The following RILPL1 variants were observed in gnomAD, a reference collection of about 807,000 sequenced individuals.
RILPL1 encodes the protein RILP-like protein 1.
A neutral mutation model predicts 50.3 loss-of-function variants in RILPL1; 33 were observed. The ratio of observed to expected loss-of-function variants is 0.66; its 90% CI spans 0.50 to 0.88. The LOEUF (loss-of-function observed/expected upper bound fraction) is 0.88, where lower values mean the gene tolerates loss of function less well. Ranked by LOEUF, RILPL1 falls within the 40% of genes least tolerant of loss-of-function variation. RILPL1 has a pLI of 0.00. For missense variants in RILPL1, 418 were observed against 542.5 expected, an observed-to-expected ratio of 0.77 and a Z score of 2.28; for synonymous variants, 205 against 228.6, an observed-to-expected ratio of 0.90 and a Z score of 0.93.
intron 2 of RILPL1, chr12:123,514,428 TA>T (rs137944636): frequency 0.14 from 20,643 of 148,996 alleles, 1,740 homozygotes; most frequent in Non-Finnish European, 0.19. Context: ...GTCATGATTT[TA>T]AAAAAAAAAA....
At chr12:123,517,724 G>C (rs981503111) in intron 2 of RILPL1, among the ~76,000 whole-genome samples, 1 of 152,092 alleles carries the variant, frequency 6.6e-6, no homozygotes, top group Non-Finnish European at 1.5e-5. Flanking sequence ...GCTTCTGAGA[G>C]CACCGTTGAG....
chr12:123,478,843 T>C (rs1044747946), intron 6 of RILPL1, among the ~76,000 whole-genome samples: 3 of 152,328 alleles, frequency 2.0e-5, no homozygotes, highest in East Asian at 1.9e-4. Flanking sequence ...CACTGGTGCC[T>C]GGTGTTCACT....
chr12:123,530,230 A>C (rs1398797704), intron 1 of RILPL1, among the ~76,000 whole-genome samples: 1 of 152,058 alleles, frequency 6.6e-6, no homozygotes, highest in Non-Finnish European at 1.5e-5. Context: ...CAATGGTGTG[A>C]TTTCGACTCG....
At chr12:123,514,979 G>A (rs1884607340) in intron 2 of RILPL1, among the ~76,000 whole-genome samples, 1 of 151,452 alleles carries the variant, frequency 6.6e-6, no homozygotes, top group Non-Finnish European at 1.5e-5. Flanking sequence ...TGCCCAGGCT[G>A]GAGTGCAGTG....
chr12:123,471,697 C>T lies in RILPL1; in HGVS notation c.*841G>A, dbSNP rs147619973. On this transcript the variant is annotated 3_prime_UTR_variant, in exon 7 of 7. Transcript: ENST00000376874. ...CTGCATTGCCTAGGATCCCACGCCC[C>T]GCTTTCAGTCTGCTCTGGGACATCT... The T allele has an allele frequency of 2.0e-5, 3 of 152,438 alleles. No homozygotes were observed. Among genetic ancestry groups the T allele is most frequent in the Non-Finnish European group, 2.9e-5 (2 of 68,060 alleles). 9.4% of individuals were successfully genotyped at this position (152,438 alleles called of 1,614,324 possible).
At chr12:123,506,393 C>T (rs148325613) in intron 2 of RILPL1, among the ~76,000 whole-genome samples, 29 of 152,302 alleles carry the variant, frequency 1.9e-4, no homozygotes, top group African/African-American at 6.7e-4. Context: ...GCAGGGACAA[C>T]AGGAGCCTCA....
chr12:123,470,977 C>G lies in RILPL1; in HGVS notation c.*1561G>C, dbSNP rs139455463. The G allele has an allele frequency of 1.3e-5, 2 of 152,054 alleles. No homozygotes were observed. The highest frequency in any genetic ancestry group is 4.8e-5 in the African/African-American group (2 of 41,464). 9.4% of individuals were successfully genotyped at this position (152,054 alleles called of 1,614,324 possible). A position where few individuals can be genotyped will look rare whatever the true frequency, so the allele number is the denominator to read the frequency against. ...TTTGAGAAACACTGCTCTAACGCAGCAATAATTACCCTGTCTGATCATTTC... is the reference window on the plus strand; with the variant it reads ...TTTGAGAAACACTGCTCTAACGCAGGAATAATTACCCTGTCTGATCATTTC... On this transcript the variant is annotated 3_prime_UTR_variant, in exon 7 of 7. Transcript: ENST00000376874.
At chr12:123,524,935 C>A (rs574991751) in intron 1 of RILPL1, among the ~76,000 whole-genome samples, 5 of 152,258 alleles carry the variant, frequency 3.3e-5, no homozygotes, top group Non-Finnish European at 5.9e-5. Flanking sequence ...AGTCCATGAC[C>A]AGCCTGGCCA....
rs1480484808 is a variant in RILPL1, at chr12:123,485,771, G to C, written c.836C>G (p.Ala279Gly). The change falls in exon 5 of 7, where the codon GCA (alanine) becomes GGA (glycine). Residue 279 changes from alanine (A) to glycine (G), a missense_variant. Physicochemically the swap from Ala to Gly is moderately conservative, Grantham distance 60. Transcript: ENST00000376874. This position sits in a 1 kb window ranked among gnomAD's most constrained non-coding sequence, Gnocchi z 4.0. ...CTTGAGATCCATGGCCACCTTCTCT[G>C]CGTCGGAGATGCTCTCCTCTCCCAC... ...EPVGEESISD[A>G]EKVAMDLKDP... is the part of the protein sequence containing the mutation. The C allele has an allele frequency of 6.2e-7, 1 of 1,611,116 alleles. No homozygotes were observed.
intron 4 of RILPL1, among the ~76,000 whole-genome samples, chr12:123,494,232 A>C (rs1882887511): frequency 6.6e-6 from 1 of 152,222 alleles, no homozygotes; most frequent in Admixed American, 6.5e-5. Flanking sequence ...GGACAGGCCT[A>C]GGTCACACAG....
In RILPL1 at chr12:123,498,776, A is replaced by C. The variant is rs777495390; in HGVS notation, c.580-11T>G. 6 of 1,610,526 alleles carry C rather than the reference A, an allele frequency of 3.7e-6. No individual in the cohort carries two copies. In the East Asian group the frequency reaches 1.1e-4, roughly 30 times the overall value. ...CTGCTGCTGCTGTAACTGTAGAAAA[A>C]GGGAGACCATTGTGCGGGGCTGCCA... On this transcript the variant is annotated splice_polypyrimidine_tract_variant and intron_variant, in intron 3 of 6. Transcript: ENST00000376874. This position sits in a 1 kb window ranked among gnomAD's most constrained non-coding sequence, Gnocchi z 4.3.
At chr12:123,512,674 GGTCT>G (rs377358360) in intron 2 of RILPL1, among the ~76,000 whole-genome samples, 4,939 of 134,098 alleles carry the variant, frequency 0.037, 324 homozygotes, top group African/African-American at 0.13. Context: ...GTGTGTGTGA[GGTCT>G]GTGTGTGGTG....
At chr12:123,517,571 GCCA>G in intron 2 of RILPL1, among the ~76,000 whole-genome samples, 1 of 151,972 alleles carries the variant, frequency 6.6e-6, no homozygotes, top group South Asian at 2.1e-4. Context: ...ACAGGTGCAC[GCCA>G]CCACACCTGG....
At chr12:123,527,783 A>C (rs1225174623) in intron 1 of RILPL1, among the ~76,000 whole-genome samples, 2 of 152,092 alleles carry the variant, frequency 1.3e-5, no homozygotes, top group East Asian at 3.8e-4. Context: ...GAGGAATATG[A>C]GGGAGATGGG....
intron 2 of RILPL1, among the ~76,000 whole-genome samples, 189 bp from the exon 3 acceptor site, chr12:123,499,725 C>T (rs1180551775): frequency 1.3e-5 from 2 of 152,080 alleles, no homozygotes; most frequent in African/African-American, 2.4e-5. Context: ...TGATTCCCCC[C>T]GAGGTCATTC....
chr12:123,523,882 T>C (rs920981450), intron 1 of RILPL1, among the ~76,000 whole-genome samples: 3 of 152,226 alleles, frequency 2.0e-5, no homozygotes, highest in African/African-American at 4.8e-5. Context: ...CAGTTAGAAC[T>C]GCCCCCAAGG....
chr12:123,512,508 C>CTG (rs984772063), intron 2 of RILPL1, among the ~76,000 whole-genome samples: 15 of 70,140 alleles, frequency 2.1e-4, no homozygotes, highest in African/African-American at 8.7e-4. Context: ...GGTGTGAGAT[C>CTG]TGTGTGTGTG....
In RILPL1 at chr12:123,522,867, A is replaced by G. The variant is rs1019786168; in HGVS notation, c.460+628T>C. Among the ~76,000 whole-genome samples the G allele has an allele frequency of 2.0e-5, 3 of 152,242 alleles. No individual in the cohort carries two copies. The highest frequency in any genetic ancestry group is 6.5e-5 in the Admixed American group (1 of 15,290). ...TTCAGCCTCCCAAAGTGCTGGGATC[A>G]CAGGTGTGAGCCACTGCGCGCGGCC... On this transcript the variant is annotated intron_variant, in intron 2 of 6. Coordinates refer to ENST00000376874, the MANE Select transcript of RILPL1 (RefSeq NM_178314.5). The surrounding 1 kb of genome is among the most constrained non-coding windows in gnomAD (Gnocchi z 4.0).
chr12:123,505,002 G>T (rs1490904920), intron 2 of RILPL1, among the ~76,000 whole-genome samples: 2 of 151,898 alleles, frequency 1.3e-5, no homozygotes, highest in African/African-American at 4.8e-5. Context: ...TTGCATATGT[G>T]TACCCCCATC....
Sources: gnomAD v4.1 joint callset for allele counts (sites outside exome capture counted in the v4.1 genomes callset) on GRCh38, gnomAD v4.1.1 for gene constraint, Gnocchi (gnomAD v3.1) non-coding constraint, MANE v1.5 for transcripts, NCBI Gene and HGNC (gene_info 2026-07-23, HGNC 2026-07-21) for gene names.